ZNF547: variants seen among roughly 807,000 people sequenced by gnomAD.
The protein encoded by ZNF547 is zinc finger protein 547.
ZNF547 carries 4 observed loss-of-function variants against 7.7 expected under a neutral mutation model. That is an observed-to-expected ratio of 0.52 (90% CI 0.26 to 1.20). The LOEUF (loss-of-function observed/expected upper bound fraction) is 1.20. Ranked by LOEUF, ZNF547 falls within the 50% of genes most tolerant of loss-of-function variation. ZNF547 has a pLI of 0.14. For synonymous variants in ZNF547, 166 were observed against 166.2 expected (o/e 1.00, Z 0.01); for missense variants, 449 against 485.8 (o/e 0.92, Z 0.71).
intron 1 of ZNF547, among the ~76,000 whole-genome samples, chr19:57,366,549 T>G (rs1178087149): frequency 3.4e-3 from 8 of 2,362 alleles, no homozygotes; most frequent in Non-Finnish European, 7.1e-3. Flanking sequence ...GATAAATTGT[T>G]TTTTTTTTTT....
chr19:57,368,891 TTAGAG>T (rs907596629), intron 2 of ZNF547, among the ~76,000 whole-genome samples: 3 of 152,156 alleles, frequency 2.0e-5, no homozygotes, highest in Non-Finnish European at 2.9e-5. Flanking sequence ...GTTTCAGTGT[TTAGAG>T]GAGAGACTGA....
intron 1 of ZNF547, among the ~76,000 whole-genome samples, chr19:57,365,718 A>G (rs10421855): frequency 0.048 from 7,305 of 151,956 alleles, 545 homozygotes; most frequent in African/African-American, 0.17. Context: ...CATGTTGGTC[A>G]GGCTGGTCTT....
Position 57,371,542 on chromosome 19 carries a change from G to T in ZNF547, c.25-240G>T. 4 of 527,202 alleles carry T rather than the reference G, an allele frequency of 7.6e-6. No individual in the cohort carries two copies. The South Asian group carries it at 1.2e-4, about 16-fold the overall frequency. The allele number at this position is 527,202 out of a possible 1,614,324, so 32.7% of individuals were successfully genotyped here. ...TGGGCTATTGGGACTGTCCCTAGTT[G>T]TGCAGTACCTGTCCCTGGGTTGATT... On this transcript the variant is annotated intron_variant, in intron 2 of 3. Coordinates refer to ENST00000282282, the MANE Select transcript of ZNF547 (RefSeq NM_173631.4).
At chr19:57,371,991 G>T in intron 3 of ZNF547, 83 bp downstream of exon 3, 1 of 1,483,868 alleles carries the variant, frequency 6.7e-7, no homozygotes, top group Non-Finnish European at 9.0e-7. Context: ...GTTTCCCACA[G>T]TGAGACCATG....
chr19:57,376,174 A>G (rs1456659599), intron 3 of ZNF547, among the ~76,000 whole-genome samples: 1 of 152,164 alleles, frequency 6.6e-6, no homozygotes, highest in Non-Finnish European at 1.5e-5. Flanking sequence ...AAATAAATAA[A>G]TAAAACCCAT....
intron 2 of ZNF547, chr19:57,371,505 T>G (rs2088504255): frequency 2.8e-6 from 1 of 354,074 alleles, no homozygotes; most frequent in South Asian, 7.8e-5. Flanking sequence ...GTTTTAGTAA[T>G]TCCAGGACAC....
At position 57,377,271 on chromosome 19, in the gene ZNF547, A is replaced by G; in HGVS notation, c.295A>G (p.Ile99Val). ...GACATGTAGCTCACTTCTGAAGGAC[A>G]TTCTGCGTCTGGCTGAGCATGACGG... The part of the protein sequence containing the change: ...CETCSSLLKD[I>V]LRLAEHDGTH... Residue 99 changes from isoleucine to valine, a missense_variant, in exon 4 of 4, where the codon ATT becomes GTT. Coordinates refer to ENST00000282282, the MANE Select transcript of ZNF547 (RefSeq NM_173631.4). 1 of 1,614,256 alleles carries G rather than the reference A, an allele frequency of 6.2e-7. No individual in the cohort carries two copies. Among genetic ancestry groups the G allele is most frequent in the Non-Finnish European group, 8.5e-7 (1 of 1,180,058 alleles).
chr19:57,364,466 G>GAAAAA, intron 1 of ZNF547: 2 of 242,402 alleles, frequency 8.3e-6, no homozygotes, highest in South Asian at 1.2e-4. Flanking sequence ...AGGGTGGCCG[G>GAAAAA]GCGTGGTGGC....
chr19:57,372,470 G>C (rs930406296), intron 3 of ZNF547, among the ~76,000 whole-genome samples: 5 of 152,270 alleles, frequency 3.3e-5, no homozygotes, highest in African/African-American at 1.2e-4. Flanking sequence ...CAATGGGGAG[G>C]GCCCTGGTAC....
At chr19:57,376,420 GT>G (rs1173921851) in intron 3 of ZNF547, among the ~76,000 whole-genome samples, 1 of 152,104 alleles carries the variant, frequency 6.6e-6, no homozygotes, top group African/African-American at 2.4e-5. Flanking sequence ...GAAAAAGAGA[GT>G]TTTTATTTCT....
chr19:57,369,896 G>GTTTTTTTT (rs1300181023), intron 2 of ZNF547, among the ~76,000 whole-genome samples: 261 of 33,578 alleles, frequency 7.8e-3, no homozygotes, highest in Middle Eastern at 0.022. Flanking sequence ...TTGACTCACA[G>GTTTTTTTT]TTCTTTTTTT....
intron 1 of ZNF547, chr19:57,365,494 ATAAT>A (rs1451233066): frequency 4.5e-6 from 2 of 446,996 alleles, no homozygotes; most frequent in Non-Finnish European, 7.8e-6. Flanking sequence ...ATTATCAATA[ATAAT>A]TAATTTCTTT....
intron 2 of ZNF547, among the ~76,000 whole-genome samples, chr19:57,370,795 C>T (rs574536675): frequency 2.6e-5 from 4 of 152,120 alleles, no homozygotes; most frequent in Admixed American, 2.6e-4. Context: ...GACACGGTGG[C>T]CAATGTCAAT....
intron 1 of ZNF547, 35 bp from the exon 2 acceptor site, chr19:57,368,509 G>A (rs534876763): frequency 2.4e-5 from 39 of 1,610,424 alleles, no homozygotes; most frequent in Middle Eastern, 1.7e-4. Flanking sequence ...TCTTCCCATC[G>A]TTGCCCATTT....
At chr19:57,364,580 A>C (rs2088449002) in intron 1 of ZNF547, 1 of 544,248 alleles carries the variant, frequency 1.8e-6, no homozygotes, top group Non-Finnish European at 3.3e-6. Context: ...GTCTTTAGTA[A>C]AAATACAAAA....
chr19:57,377,234 C>T lies in ZNF547; in HGVS notation c.258C>T (p.Thr86=), dbSNP rs10413160. The T allele has an allele frequency of 9.5e-3, 15,409 of 1,614,100 alleles. 1,114 individuals are homozygous for T. The African/African-American group carries it at 0.17, about 18-fold the overall frequency. Residue 86 remains threonine, a synonymous_variant, in exon 4 of 4, where the codon ACC becomes ACT. Transcript: ENST00000282282. The part of the protein sequence containing the change: ...APKPCLSTQN[T]QPCETCSSLL... ...AGCCCTGTCTATCTACCCAGAATAC[C>T]CAGCCCTGTGAGACATGTAGCTCAC...
At chr19:57,367,848 T>G (rs1434250751) in intron 1 of ZNF547, among the ~76,000 whole-genome samples, 2 of 152,214 alleles carry the variant, frequency 1.3e-5, no homozygotes, top group Non-Finnish European at 2.9e-5. Context: ...AAGGCAAGAT[T>G]GGATGATCTA....
At chr19:57,369,339 G>A (rs2088490401) in intron 2 of ZNF547, among the ~76,000 whole-genome samples, 1 of 152,104 alleles carries the variant, frequency 6.6e-6, no homozygotes, top group African/African-American at 2.4e-5. Flanking sequence ...TTGTTTGGAA[G>A]CATAGATGCT....
chr19:57,371,629 G>C (rs2088504842), intron 2 of ZNF547, 153 bp from the exon 3 acceptor site: 6 of 1,180,742 alleles, frequency 5.1e-6, no homozygotes, highest in Admixed American at 2.4e-5. Context: ...TTAAGAATAT[G>C]TGCCCAGGAT....
Sources: gnomAD v4.1 joint callset for allele counts (sites outside exome capture counted in the v4.1 genomes callset) on GRCh38, gnomAD v4.1.1 for gene constraint, MANE v1.5 for transcripts, NCBI Gene and HGNC (gene_info 2026-07-23, HGNC 2026-07-21) for gene names.